Variants in CDH18 observed in about 807,000 individuals in gnomAD.
The protein encoded by CDH18 is cadherin-18.
CDH18 carries 31 observed loss-of-function variants against 67.9 expected under a neutral mutation model. That is an observed-to-expected ratio of 0.46 (90% CI 0.34 to 0.62). The LOEUF (loss-of-function observed/expected upper bound fraction) is 0.62. Ranked by LOEUF, CDH18 falls within the 20% of genes least tolerant of loss-of-function variation. The pLI is 0.01. For missense variants in CDH18, 890 were observed against 975.5 expected, an observed-to-expected ratio of 0.91 and a Z score of 1.17; for synonymous variants, 362 against 347.2, an observed-to-expected ratio of 1.04 and a Z score of -0.48.
At chr5:20,125,537 C>CT (rs1482073863) in intron 2 of CDH18, among the ~76,000 whole-genome samples, 1 of 152,068 alleles carries the variant, frequency 6.6e-6, no homozygotes. Context: ...AAAAGACTAG[C>CT]TATCAAACTT....
At chr5:19,875,631 T>C (rs968681583) in intron 2 of CDH18, among the ~76,000 whole-genome samples, 1 of 151,988 alleles carries the variant, frequency 6.6e-6, no homozygotes, top group East Asian at 1.9e-4. Context: ...TACATACACA[T>C]AAAATCATAA....
intron 2 of CDH18, among the ~76,000 whole-genome samples, chr5:20,241,902 A>ATG (rs1742955045): frequency 6.8e-6 from 1 of 146,360 alleles, no homozygotes; most frequent in Non-Finnish European, 1.5e-5. Flanking sequence ...GTATATATAT[A>ATG]TATATATTGC....
At chr5:20,373,014 T>A (rs1005210737) in intron 1 of CDH18, among the ~76,000 whole-genome samples, 3 of 152,176 alleles carry the variant, frequency 2.0e-5, no homozygotes, top group Non-Finnish European at 4.4e-5. Flanking sequence ...TGACAGACAT[T>A]AATGACAGGA....
chr5:20,209,494 AGC>A (rs1002519632), intron 2 of CDH18, among the ~76,000 whole-genome samples: 1 of 152,090 alleles, frequency 6.6e-6, no homozygotes, highest in African/African-American at 2.4e-5. Flanking sequence ...AAATAAGCTA[AGC>A]ACAGAAAGAT....
chr5:20,366,605 AGCG>A (rs1742537948), intron 1 of CDH18, among the ~76,000 whole-genome samples: 1 of 152,204 alleles, frequency 6.6e-6, no homozygotes, highest in African/African-American at 2.4e-5. Context: ...ATCATTGGCA[AGCG>A]GCTTTACCTC....
At chr5:19,839,492 ATT>A (rs1782034402) in intron 2 of CDH18, among the ~76,000 whole-genome samples, 1 of 152,180 alleles carries the variant, frequency 6.6e-6, no homozygotes, top group African/African-American at 2.4e-5. Context: ...CATAATACAA[ATT>A]TGTTATATAT....
intron 6 of CDH18, among the ~76,000 whole-genome samples, chr5:19,608,589 A>C (rs566423688): frequency 4.3e-4 from 65 of 151,888 alleles, no homozygotes; most frequent in Non-Finnish European, 7.2e-4. Flanking sequence ...CCAGTTAAAC[A>C]ATTGTGATGT....
intron 1 of CDH18, among the ~76,000 whole-genome samples, chr5:20,544,583 G>A (rs186186711): frequency 5.3e-5 from 8 of 152,154 alleles, no homozygotes; most frequent in East Asian, 1.9e-4. Flanking sequence ...GAGAGAGAGC[G>A]AGAGAGGGAA....
At chr5:20,037,572 T>C (rs934524940) in intron 2 of CDH18, among the ~76,000 whole-genome samples, 1 of 151,992 alleles carries the variant, frequency 6.6e-6, no homozygotes, top group Non-Finnish European at 1.5e-5. Context: ...CCACACTATA[T>C]GGAAACTGAA....
intron 2 of CDH18, among the ~76,000 whole-genome samples, chr5:20,123,881 C>T (rs1343254343): frequency 2.1e-4 from 20 of 95,800 alleles, no homozygotes; most frequent in African/African-American, 7.0e-4. Context: ...AGCGAGACTC[C>T]GTCTCAAAAA....
chr5:19,804,320 AAAAT>A (rs752740902), intron 3 of CDH18, among the ~76,000 whole-genome samples: 1 of 151,560 alleles, frequency 6.6e-6, no homozygotes, highest in African/African-American at 2.4e-5. Flanking sequence ...AAAAATAAAT[AAAAT>A]AAATAAATAA....
chr5:20,376,628 C>T (rs1209396147), intron 1 of CDH18, among the ~76,000 whole-genome samples: 1 of 151,048 alleles, frequency 6.6e-6, no homozygotes, highest in Non-Finnish European at 1.5e-5. Context: ...TGTTCCAAAA[C>T]GGCCCATGCC....
chr5:19,911,527 T>C (rs773889609), intron 2 of CDH18, among the ~76,000 whole-genome samples: 1 of 151,868 alleles, frequency 6.6e-6, no homozygotes, highest in Non-Finnish European at 1.5e-5. Context: ...AGTAATTAGG[T>C]TGAGATGAGG....
intron 2 of CDH18, among the ~76,000 whole-genome samples, chr5:20,025,722 A>T (rs1738837039): frequency 6.6e-6 from 1 of 152,186 alleles, no homozygotes; most frequent in Non-Finnish European, 1.5e-5. Context: ...TCTCTTAATC[A>T]GCTTTCTTGT....
intron 1 of CDH18, among the ~76,000 whole-genome samples, chr5:20,538,601 G>A (rs17307644): frequency 0.066 from 10,027 of 152,188 alleles, 498 homozygotes; most frequent in Non-Finnish European, 0.099. Flanking sequence ...GCCAGGGCAT[G>A]CAACTACAAC....
rs146692497 is a variant in CDH18, at chr5:20,518,336, G to C, written c.-580+57126C>G. Among the ~76,000 whole-genome samples, 11 of 152,200 alleles carry C rather than the reference G, an allele frequency of 7.2e-5. No homozygotes were observed. In the East Asian group the frequency reaches 2.1e-3, roughly 29 times the overall value. ...ATTAATGAGTGGTCAGGGATATTTT[G>C]TGAGCAATCTTAATCAGCTAGATAA... On this transcript the variant is annotated intron_variant, in intron 1 of 14. Transcript: ENST00000507958.
At chr5:19,953,191 T>A (rs940168612) in intron 2 of CDH18, among the ~76,000 whole-genome samples, 1 of 152,062 alleles carries the variant, frequency 6.6e-6, no homozygotes, top group Non-Finnish European at 1.5e-5. Context: ...AGAATACCTA[T>A]GGTGAAAAAC....
chr5:20,182,879 G>T (rs1434430901), intron 2 of CDH18, among the ~76,000 whole-genome samples: 1 of 151,934 alleles, frequency 6.6e-6, no homozygotes, highest in Non-Finnish European at 1.5e-5. Context: ...TTTTGTTATA[G>T]TAGCAAAAAC....
At chr5:20,544,666 C>T (rs1422288853) in intron 1 of CDH18, among the ~76,000 whole-genome samples, 1 of 152,044 alleles carries the variant, frequency 6.6e-6, no homozygotes, top group Non-Finnish European at 1.5e-5. Context: ...TGGGGGAAAC[C>T]ACTCCCATAA....
Sources: gnomAD v4.1 joint callset for allele counts (sites outside exome capture counted in the v4.1 genomes callset) on GRCh38, gnomAD v4.1.1 for gene constraint, MANE v1.5 for transcripts, NCBI Gene and HGNC (gene_info 2026-07-23, HGNC 2026-07-21) for gene names.